TAF3: variants seen among roughly 807,000 people sequenced by gnomAD.
TAF3 encodes the protein transcription initiation factor TFIID subunit 3.
A neutral mutation model predicts 80.6 loss-of-function variants in TAF3; 7 were observed. The ratio of observed to expected loss-of-function variants is 0.09; its 90% CI spans 0.05 to 0.16. The LOEUF (loss-of-function observed/expected upper bound fraction) is 0.16, where lower values mean the gene tolerates loss of function less well. Ranked by LOEUF, TAF3 falls within the 10% of genes least tolerant of loss-of-function variation. TAF3 has a pLI of 1.00. For synonymous variants in TAF3, 444 were observed against 446.1 expected, an observed-to-expected ratio of 1.00 and a Z score of 0.06; for missense variants, 921 against 1,140.2, an observed-to-expected ratio of 0.81 and a Z score of 2.77.
chr10:7,900,211 TTC>T (rs757828339), intron 2 of TAF3, among the ~76,000 whole-genome samples: 6 of 152,218 alleles, frequency 3.9e-5, no homozygotes, highest in Non-Finnish European at 5.9e-5. Context: ...TCCTACCATT[TTC>T]TCTGTTATTT....
chr10:7,830,501 T>TTTTTTTGTA (rs1491018932), intron 2 of TAF3, among the ~76,000 whole-genome samples: 1 of 128,352 alleles, frequency 7.8e-6, no homozygotes, highest in Non-Finnish European at 1.6e-5. Flanking sequence ...TTTTTTTTTT[T>TTTTTTTGTA]GAGAAGGAGT....
chr10:7,919,619 C>G (rs1837744046), intron 2 of TAF3, among the ~76,000 whole-genome samples: 1 of 152,100 alleles, frequency 6.6e-6, no homozygotes, highest in African/African-American at 2.4e-5. Context: ...ATGCTCAAGT[C>G]CCTTATGTAA....
intron 2 of TAF3, among the ~76,000 whole-genome samples, chr10:7,941,077 T>G (rs962090622): frequency 1.3e-5 from 2 of 151,892 alleles, no homozygotes. Context: ...TCAAGGAAGA[T>G]AAGAGTAAAA....
At chr10:7,928,094 T>C (rs79402200) in intron 2 of TAF3, among the ~76,000 whole-genome samples, 14,033 of 152,242 alleles carry the variant, frequency 0.092, 956 homozygotes, top group East Asian at 0.27. Context: ...TAAGAGCTCT[T>C]CCATTTGTGC....
In TAF3 at chr10:7,863,618, A is replaced by T. The variant is rs866782665; in HGVS notation, c.409+39058A>T. ...GAGCAAAACTCTGTCTAAAAAAAAA[A>T]AAAAAAAAATATATATATATATATA... On this transcript the variant is annotated intron_variant, in intron 2 of 6. Coordinates refer to ENST00000344293, the MANE Select transcript of TAF3 (RefSeq NM_031923.4). 3.8e-4 allele frequency among the ~76,000 whole-genome samples: 28 copies of T among 74,452 alleles called. 1 individual carries two copies. Among genetic ancestry groups the T allele is most frequent in the African/African-American group, 1.3e-3 (26 of 19,912 alleles). The allele number at this position is 74,452 out of a possible 152,430, so 48.8% of individuals were successfully genotyped here.
At chr10:7,966,440 A>G (rs1245838333) in intron 3 of TAF3, among the ~76,000 whole-genome samples, 1 of 152,224 alleles carries the variant, frequency 6.6e-6, no homozygotes, top group African/African-American at 2.4e-5. Flanking sequence ...ACAAACTGAT[A>G]GAAACCCCGC....
intron 2 of TAF3, among the ~76,000 whole-genome samples, chr10:7,895,309 T>C (rs924462030): frequency 3.9e-5 from 6 of 152,260 alleles, no homozygotes; most frequent in Admixed American, 3.9e-4. Context: ...GAAAATCCTT[T>C]GCTGTATCTG....
At chr10:7,863,762 C>CGCATATATATAT in intron 2 of TAF3, among the ~76,000 whole-genome samples, 1 of 139,626 alleles carries the variant, frequency 7.2e-6, no homozygotes, top group Non-Finnish European at 1.5e-5. Flanking sequence ...TATATATATA[C>CGCATATATATAT]ACACATGGCA....
intron 2 of TAF3, among the ~76,000 whole-genome samples, chr10:7,899,123 G>A (rs992353125): frequency 2.0e-5 from 3 of 152,154 alleles, no homozygotes; most frequent in African/African-American, 7.2e-5. Context: ...GCATTAGAAG[G>A]TTGATATTTT....
rs1386225263 is a variant in TAF3, at chr10:8,015,348, G to A, written c.*597G>A. ...ATACCTTATATTTTTTAAGAAAAAGGTTTCTATCATGTCCTGTTTGCTTTT... is the reference window on the plus strand; with the variant it reads ...ATACCTTATATTTTTTAAGAAAAAGATTTCTATCATGTCCTGTTTGCTTTT... On this transcript the variant is annotated 3_prime_UTR_variant, in exon 7 of 7. Transcript: ENST00000344293. 4 of 152,020 alleles carry A rather than the reference G, an allele frequency of 2.6e-5. No homozygotes were observed. Among genetic ancestry groups the A allele is most frequent in the African/African-American group, 9.7e-5 (4 of 41,374 alleles). The allele number at this position is 152,020 out of a possible 1,614,324, so 9.4% of individuals were successfully genotyped here. A position where few individuals can be genotyped will look rare whatever the true frequency, so the allele number is the denominator to read the frequency against.
intron 2 of TAF3, among the ~76,000 whole-genome samples, chr10:7,904,590 A>G (rs1317804363): frequency 1.3e-5 from 2 of 152,216 alleles, no homozygotes; most frequent in Non-Finnish European, 2.9e-5. Flanking sequence ...AGGAATAAAT[A>G]AAGGAAGGGA....
chr10:7,878,557 T>G (rs1194399901), intron 2 of TAF3, among the ~76,000 whole-genome samples: 1 of 152,182 alleles, frequency 6.6e-6, no homozygotes, highest in Non-Finnish European at 1.5e-5. Context: ...ATATTAACTT[T>G]GTATGTGTTT....
intron 2 of TAF3, among the ~76,000 whole-genome samples, chr10:7,842,151 G>GTTTTTTTTTTTTTTT (rs71505465): frequency 4.0e-5 from 4 of 98,798 alleles, no homozygotes; most frequent in Admixed American, 1.1e-4. Context: ...AATTAATATT[G>GTTTTTTTTTTTTTTT]TTTTTTTTTT....
At position 7,905,329 on chromosome 10, in the gene TAF3, A is replaced by G. The variant is rs147394888; in HGVS notation, c.410-58591A>G. Among the ~76,000 whole-genome samples the G allele has an allele frequency of 1.5e-4, 23 of 152,324 alleles. No individual in the cohort carries two copies. In the East Asian group the frequency reaches 4.4e-3, roughly 29 times the overall value. On this transcript the variant is annotated intron_variant, in intron 2 of 6. Coordinates refer to ENST00000344293, the MANE Select transcript of TAF3 (RefSeq NM_031923.4). ...GAAGCACCTGTTTCAGGGGAAGCCA[A>G]TGATTTTGACATTAGAGTTTTTCTT... is the stretch of plus-strand genomic sequence containing the variant.
rs1831562537 is a variant in TAF3, at chr10:7,965,580, T to A, written c.2070T>A (p.Phe690Leu). The stretch of plus-strand genomic sequence containing the variant: ...TGCCAGTGCTTCCGGAAAAACTGTT[T>A]GAGGAGAAAGAGAAGGTGAAGGAGA... ...SLLPVLPEKLFEEKEKVKEKE... is the reference protein window; with the variant it reads ...SLLPVLPEKLLEEKEKVKEKE... Residue 690 changes from phenylalanine to leucine, a missense_variant, in exon 3 of 7, where the codon TTT becomes TTA. Around this residue, in one of 6 missense-constraint regions of TAF3, gnomAD observed 743 missense variants for 821.0 expected, o/e 0.90. Coordinates refer to ENST00000344293, the MANE Select transcript of TAF3 (RefSeq NM_031923.4). 5.7e-6 allele frequency: 9 copies of A among 1,591,386 alleles called. No individual in the cohort carries two copies. Among genetic ancestry groups the A allele is most frequent in the Non-Finnish European group, 7.7e-6 (9 of 1,173,492 alleles).
At chr10:7,990,112 A>T (rs533748086) in intron 4 of TAF3, among the ~76,000 whole-genome samples, 21 of 152,324 alleles carry the variant, frequency 1.4e-4, no homozygotes, top group Admixed American at 5.9e-4. Flanking sequence ...AATGTTTGAT[A>T]TTAGCCTGGT....
In TAF3 at chr10:7,878,600, A is replaced by G. The variant is rs118104510; in HGVS notation, c.409+54040A>G. On this transcript the variant is annotated intron_variant, in intron 2 of 6. Coordinates refer to ENST00000344293, the MANE Select transcript of TAF3 (RefSeq NM_031923.4). ...TTTAACAAGGGTATTTAAATCAGCT[A>G]TATTGGAAGGGAGTCCTGTAAGTGA... Among the ~76,000 whole-genome samples the G allele has an allele frequency of 3.3e-3, 498 of 152,304 alleles. 2 individuals carry two copies. The highest frequency in any genetic ancestry group is 5.0e-3 in the Non-Finnish European group (339 of 68,032).
intron 1 of TAF3, among the ~76,000 whole-genome samples, chr10:7,821,419 A>G (rs905394600): frequency 2.0e-5 from 3 of 152,184 alleles, no homozygotes; most frequent in Non-Finnish European, 4.4e-5. Flanking sequence ...TGTACTAGGC[A>G]TTGGAGACAT....
chr10:7,826,810 A>G (rs1303993258), intron 2 of TAF3, among the ~76,000 whole-genome samples: 1 of 152,198 alleles, frequency 6.6e-6, no homozygotes, highest in African/African-American at 2.4e-5. Flanking sequence ...TAAAAATATA[A>G]CCATACAAGA....
Sources: allele counts gnomAD v4.1 joint callset (sites outside exome capture counted in the v4.1 genomes callset), GRCh38; gene constraint gnomAD v4.1.1; regional missense constraint gnomAD v4.1.1; transcripts MANE v1.5; gene names NCBI Gene and HGNC (gene_info 2026-07-23, HGNC 2026-07-21).